Variants in TGFBR2 observed in about 807,000 individuals in gnomAD.
The protein encoded by TGFBR2 is transforming growth factor beta receptor 2, also known as TGF-beta receptor type-2.
A neutral mutation model predicts 49.0 loss-of-function variants in TGFBR2; 18 were observed. The observed-to-expected ratio is 0.37, with a 90% confidence interval of 0.25 to 0.54. The LOEUF (loss-of-function observed/expected upper bound fraction) is 0.54, where lower values mean the gene tolerates loss of function less well. TGFBR2 is among the 20% of genes least tolerant of loss of function. TGFBR2 has a pLI of 0.85. For synonymous variants in TGFBR2, 282 were observed against 275.9 expected, an observed-to-expected ratio of 1.02 and a Z score of -0.22; for missense variants, 525 against 722.6, an observed-to-expected ratio of 0.73 and a Z score of 3.13.
intron 2 of TGFBR2, among the ~76,000 whole-genome samples, chr3:30,647,283 C>A (rs751048497): frequency 3.2e-4 from 49 of 152,310 alleles, no homozygotes; most frequent in Non-Finnish European, 6.5e-4. Flanking sequence ...TGAAGGACAT[C>A]CCATTTTCAG....
chr3:30,636,533 A>G (rs1698535970), intron 1 of TGFBR2, among the ~76,000 whole-genome samples: 1 of 152,180 alleles, frequency 6.6e-6, no homozygotes, highest in Non-Finnish European at 1.5e-5. Context: ...TTGCTCATTT[A>G]TAATGAAAAC....
At chr3:30,651,938 C>G (rs1477727577) in intron 3 of TGFBR2, among the ~76,000 whole-genome samples, 1 of 152,088 alleles carries the variant, frequency 6.6e-6, no homozygotes, top group Non-Finnish European at 1.5e-5. Context: ...CAAATGCTGG[C>G]TCTACACCCT....
chr3:30,678,833 A>T (rs1699486838), intron 5 of TGFBR2, among the ~76,000 whole-genome samples: 1 of 152,198 alleles, frequency 6.6e-6, no homozygotes, highest in Non-Finnish European at 1.5e-5. Flanking sequence ...GCTATTGCAG[A>T]GGTGACTATT....
At chr3:30,664,163 T>TA (rs1174605553) in intron 3 of TGFBR2, among the ~76,000 whole-genome samples, 2 of 151,502 alleles carry the variant, frequency 1.3e-5, no homozygotes, top group Admixed American at 6.6e-5. Flanking sequence ...TTTTTTTTTT[T>TA]TATACAGACA....
intron 1 of TGFBR2, among the ~76,000 whole-genome samples, chr3:30,638,079 G>A (rs1325637654): frequency 1.3e-5 from 2 of 152,206 alleles, no homozygotes; most frequent in Admixed American, 1.3e-4. Flanking sequence ...TGTTAGCAAT[G>A]AGGTTGACAT....
At chr3:30,679,055 T>C (rs574247107) in intron 5 of TGFBR2, among the ~76,000 whole-genome samples, 1 of 152,318 alleles carries the variant, frequency 6.6e-6, no homozygotes, top group East Asian at 1.9e-4. Context: ...ACATTCTCAT[T>C]CTGTGTTCAT....
chr3:30,688,637 AT>A, intron 6 of TGFBR2, 126 bp downstream of exon 6: 5 of 1,385,360 alleles, frequency 3.6e-6, no homozygotes, highest in Non-Finnish European at 5.0e-6. Flanking sequence ...GCCCTGTTAA[AT>A]TTTGTTTATA....
chr3:30,661,741 G>A (rs925540840), intron 3 of TGFBR2: 4 of 366,148 alleles, frequency 1.1e-5, no homozygotes, highest in African/African-American at 8.5e-5. Flanking sequence ...CTTGGTGGAA[G>A]AGGAGGTGAG....
In TGFBR2 at chr3:30,644,601, T is replaced by C. The variant is rs545100216; in HGVS notation, c.95-146T>C. The C allele has an allele frequency of 3.0e-5, 23 of 771,606 alleles. No individual in the cohort carries two copies. The South Asian group carries it at 3.5e-4, about 12-fold the overall frequency. 47.8% of individuals were successfully genotyped at this position (771,606 alleles called of 1,614,324 possible). A position where few individuals can be genotyped will look rare whatever the true frequency, so the allele number is the denominator to read the frequency against. ...AATTGCATACACCAGATAATTCTAATCTGATGTGAAGGAATTATTTTGCCT... is the reference window on the plus strand; with the variant it reads ...AATTGCATACACCAGATAATTCTAACCTGATGTGAAGGAATTATTTTGCCT... On this transcript the variant is annotated intron_variant, in intron 1 of 6. Coordinates refer to ENST00000295754, the MANE Select transcript of TGFBR2 (RefSeq NM_003242.6).
intron 1 of TGFBR2, among the ~76,000 whole-genome samples, chr3:30,640,151 A>T (rs1698618330): frequency 1.3e-5 from 2 of 152,164 alleles, no homozygotes; most frequent in African/African-American, 2.4e-5. Flanking sequence ...GAAGGTTTTG[A>T]TATTACTCAT....
chr3:30,642,044 G>C (rs1260338901), intron 1 of TGFBR2, among the ~76,000 whole-genome samples: 2 of 151,934 alleles, frequency 1.3e-5, no homozygotes, highest in African/African-American at 2.4e-5. Flanking sequence ...CAATACATCT[G>C]TGGCCACCAC....
At chr3:30,659,592 T>C (rs1699077209) in intron 3 of TGFBR2, among the ~76,000 whole-genome samples, 1 of 151,626 alleles carries the variant, frequency 6.6e-6, no homozygotes, top group Non-Finnish European at 1.5e-5. Context: ...CCAGATGTGC[T>C]TTCTGGTTGT....
chr3:30,682,023 C>A (rs796166097), intron 5 of TGFBR2, among the ~76,000 whole-genome samples: 14 of 152,298 alleles, frequency 9.2e-5, no homozygotes, highest in African/African-American at 3.4e-4. Context: ...TCAAAGGAAG[C>A]TGGGTGTTTT....
intron 1 of TGFBR2, among the ~76,000 whole-genome samples, chr3:30,619,276 A>G (rs1297943434): frequency 6.6e-6 from 1 of 152,188 alleles, no homozygotes; most frequent in Admixed American, 6.5e-5. Context: ...GTCATCTGTA[A>G]AAATCACCTA....
chr3:30,607,786 A>AT, intron 1 of TGFBR2, among the ~76,000 whole-genome samples: 2 of 136,030 alleles, frequency 1.5e-5, no homozygotes, highest in African/African-American at 6.2e-5. Flanking sequence ...TAAGGAAAAA[A>AT]TAAAAATAAA....
At chr3:30,660,978 A>G (rs780737768) in intron 3 of TGFBR2, among the ~76,000 whole-genome samples, 2 of 152,156 alleles carry the variant, frequency 1.3e-5, no homozygotes, top group Non-Finnish European at 2.9e-5. Flanking sequence ...GGAGAGAGAG[A>G]GGATGTATTC....
At chr3:30,680,196 G>C (rs1382361187) in intron 5 of TGFBR2, among the ~76,000 whole-genome samples, 1 of 136,260 alleles carries the variant, frequency 7.3e-6, no homozygotes, top group Non-Finnish European at 1.5e-5. Context: ...GAGCTACTCT[G>C]TGCATCCTGG....
chr3:30,643,798 T>C (rs1298955330), intron 1 of TGFBR2, among the ~76,000 whole-genome samples: 2 of 152,220 alleles, frequency 1.3e-5, no homozygotes, highest in Non-Finnish European at 2.9e-5. Context: ...GCGATGCAGA[T>C]AGTTTGTGCA....
intron 2 of TGFBR2, among the ~76,000 whole-genome samples, chr3:30,647,967 G>A (rs1037041385): frequency 4.6e-5 from 7 of 152,102 alleles, no homozygotes; most frequent in African/African-American, 1.7e-4. Flanking sequence ...ATGAGCCACC[G>A]TGCCCAGCCT....
Sources: allele counts gnomAD v4.1 joint callset (sites outside exome capture counted in the v4.1 genomes callset), GRCh38; gene constraint gnomAD v4.1.1; transcripts MANE v1.5; gene names NCBI Gene and HGNC (gene_info 2026-07-23, HGNC 2026-07-21).